The following FRMPD4 variants were observed in gnomAD, a reference collection of about 807,000 sequenced individuals.
The protein encoded by FRMPD4 is FERM and PDZ domain containing 4.
Under a neutral mutation model 94.1 loss-of-function variants are expected in FRMPD4, and 22 were observed. The ratio of observed to expected loss-of-function variants is 0.23; its 90% CI spans 0.17 to 0.33. The LOEUF (loss-of-function observed/expected upper bound fraction) is 0.33. FRMPD4 is among the 10% of genes least tolerant of loss of function. FRMPD4 has a pLI of 1.00. For missense variants in FRMPD4, 1,111 were observed against 1,339.9 expected (o/e 0.83, Z 2.67); for synonymous variants, 631 against 548.6 (o/e 1.15, Z -2.10).
At chrX:12,040,864 TTTG>T (rs1450564471) in intron 3 of FRMPD4, among the ~76,000 whole-genome samples, 2 of 111,024 alleles carry the variant, frequency 1.8e-5, no homozygotes, top group African/African-American at 6.6e-5. Context: ...TGCATCTCTT[TTTG>T]TTGTTGTTGT....
chrX:12,447,510 C>A (rs2148131301), intron 1 of FRMPD4, among the ~76,000 whole-genome samples: 1 of 112,117 alleles, frequency 8.9e-6, no homozygotes, highest in African/African-American at 3.2e-5. Context: ...AAATGAATTT[C>A]ATGTAAGAAC....
intron 4 of FRMPD4, among the ~76,000 whole-genome samples, chrX:12,673,861 C>T (rs2059868016): frequency 8.9e-6 from 1 of 111,949 alleles, no homozygotes; most frequent in African/African-American, 3.2e-5. Context: ...ATGGTCCAGC[C>T]CAGCCAGAGT....
chrX:12,109,546 T>A (rs2055335205), intron 3 of FRMPD4, among the ~76,000 whole-genome samples: 1 of 111,567 alleles, frequency 9.0e-6, no homozygotes, highest in Non-Finnish European at 1.9e-5. Context: ...ATTGAAAAGC[T>A]AGCAGAAGGT....
rs1354193574 is a variant in FRMPD4 at position 12,204,111 on chromosome X, G to T, written c.41+65099G>T. ...ATGGGGCAGTTTGGATTCCCACGTT[G>T]TGCTCTCAGGAGACATCTTGTAATG... On this transcript the variant is annotated intron_variant, in intron 1 of 16. Transcript: ENST00000675598. Among the ~76,000 whole-genome samples, 3 of 112,083 alleles carry T rather than the reference G, an allele frequency of 2.7e-5. No homozygotes were observed. In the Admixed American group the frequency reaches 2.8e-4, roughly 11 times the overall value.
intron 3 of FRMPD4, among the ~76,000 whole-genome samples, chrX:12,097,559 T>C (rs2055216972): frequency 8.9e-6 from 1 of 112,482 alleles, no homozygotes. Flanking sequence ...TTAGCAGTTA[T>C]TCTCCATCCT....
intron 2 of FRMPD4, among the ~76,000 whole-genome samples, chrX:12,519,595 A>T (rs1039404994): frequency 6.2e-5 from 7 of 112,473 alleles, no homozygotes; most frequent in African/African-American, 2.3e-4. Flanking sequence ...ATAAAACATG[A>T]TCAACAGAAT....
intron 1 of FRMPD4, among the ~76,000 whole-genome samples, chrX:12,451,575 G>T (rs186664605): frequency 8.9e-6 from 1 of 111,990 alleles, no homozygotes; most frequent in East Asian, 2.8e-4. Context: ...CCAGGAAAAG[G>T]TCTTTAAATA....
intron 1 of FRMPD4, among the ~76,000 whole-genome samples, chrX:12,153,976 G>A (rs763558510): frequency 1.7e-4 from 19 of 112,807 alleles, no homozygotes; most frequent in Non-Finnish European, 2.6e-4. Context: ...ATTGTCTACA[G>A]TTAAAACAGT....
Position 12,503,825 on chromosome X carries a change from AT to A in FRMPD4, c.158+5036del, listed in dbSNP as rs780902069. ...GTAGTTCTAGGGCTATTCTTTGGAT[AT>A]TTTTTTCTTGATTTTTACTACAAGA... is the stretch of plus-strand genomic sequence containing the variant. On this transcript the variant is annotated intron_variant, in intron 2 of 16. Transcript: ENST00000675598. 1.1e-3 allele frequency among the ~76,000 whole-genome samples: 127 copies of A among 111,770 alleles called. 1 individual carries two copies. The highest frequency in any genetic ancestry group is 2.2e-3 in the Admixed American group (23 of 10,559).
At chrX:12,208,705 C>T (rs1224328072) in intron 1 of FRMPD4, among the ~76,000 whole-genome samples, 1 of 111,594 alleles carries the variant, frequency 9.0e-6, no homozygotes, top group East Asian at 2.8e-4. Flanking sequence ...AAAATGTTTA[C>T]AGTAAATTAA....
intron 1 of FRMPD4, among the ~76,000 whole-genome samples, chrX:12,454,335 C>T (rs1421711227): frequency 9.0e-6 from 1 of 111,636 alleles, no homozygotes; most frequent in African/African-American, 3.2e-5. Context: ...ACTTGGAAAA[C>T]ACTTGTATGA....
chrX:11,953,450 G>C (rs1415734428), intron 3 of FRMPD4, among the ~76,000 whole-genome samples: 1 of 110,550 alleles, frequency 9.0e-6, no homozygotes, highest in Admixed American at 9.7e-5. Context: ...CCTAACCATG[G>C]TACTATTTAA....
chrX:12,195,133 C>T (rs1304283602), intron 1 of FRMPD4, among the ~76,000 whole-genome samples: 2 of 112,060 alleles, frequency 1.8e-5, no homozygotes, highest in East Asian at 2.8e-4. Flanking sequence ...TTACAATGAA[C>T]TTGACAGTTT....
chrX:12,188,737 T>C (rs755851107), intron 1 of FRMPD4, among the ~76,000 whole-genome samples: 1 of 111,977 alleles, frequency 8.9e-6, no homozygotes, highest in Admixed American at 9.5e-5. Context: ...GTCTCTTTCC[T>C]GGTGTGTAGA....
intron 1 of FRMPD4, among the ~76,000 whole-genome samples, chrX:12,177,069 ATTAG>A (rs1288378711): frequency 3.3e-4 from 37 of 112,542 alleles, no homozygotes; most frequent in Non-Finnish European, 9.4e-5. Flanking sequence ...AAAAGATGCT[ATTAG>A]TTAGTGCTCA....
At chrX:12,260,050 T>C (rs1459806784) in intron 1 of FRMPD4, among the ~76,000 whole-genome samples, 1 of 111,882 alleles carries the variant, frequency 8.9e-6, no homozygotes, top group Non-Finnish European at 1.9e-5. Context: ...TCTTTGATTA[T>C]TGCTTTTTTT....
intron 1 of FRMPD4, chrX:12,396,146 G>A (rs1421203773): frequency 2.7e-5 from 3 of 112,070 alleles, no homozygotes; most frequent in African/African-American, 9.8e-5. Context: ...GTATTTTCTG[G>A]GTCAAGTGAA....
At chrX:12,156,785 G>A (rs1185761575) in intron 1 of FRMPD4, among the ~76,000 whole-genome samples, 1 of 111,712 alleles carries the variant, frequency 9.0e-6, no homozygotes, top group Non-Finnish European at 1.9e-5. Flanking sequence ...TTTGTTGTTC[G>A]GGTATCATGT....
At chrX:12,102,270 C>T (rs2055262000) in intron 3 of FRMPD4, among the ~76,000 whole-genome samples, 1 of 111,673 alleles carries the variant, frequency 9.0e-6, no homozygotes, top group South Asian at 3.8e-4. Flanking sequence ...GGGAAAGGGC[C>T]CTTTTGTAAA....
Sources: gnomAD v4.1 joint callset for allele counts (sites outside exome capture counted in the v4.1 genomes callset) on GRCh38, gnomAD v4.1.1 for gene constraint, MANE v1.5 for transcripts, NCBI Gene and HGNC (gene_info 2026-07-23, HGNC 2026-07-21) for gene names.